EXT2: variants seen among roughly 807,000 people sequenced by gnomAD.
EXT2 encodes exostosin-2.
In EXT2, 53 loss-of-function variants were observed where a neutral mutation model predicts 81.6. The observed-to-expected ratio is 0.65, with a 90% confidence interval of 0.52 to 0.82. The LOEUF (loss-of-function observed/expected upper bound fraction) is 0.82. Ranked by LOEUF, EXT2 falls within the 40% of genes least tolerant of loss-of-function variation. EXT2 has a pLI of 0.00. For synonymous variants in EXT2, 320 were observed against 340.0 expected (o/e 0.94, Z 0.65); for missense variants, 774 against 910.2 (o/e 0.85, Z 1.93).
At chr11:44,119,996 A>G (rs942521385) in intron 4 of EXT2, among the ~76,000 whole-genome samples, 2 of 151,176 alleles carry the variant, frequency 1.3e-5, no homozygotes. Context: ...GCTCTCTTAT[A>G]TTGGTTTAGG....
chr11:44,215,260 A>G (rs552313747), intron 10 of EXT2, among the ~76,000 whole-genome samples: 1 of 152,212 alleles, frequency 6.6e-6, no homozygotes, highest in Admixed American at 6.5e-5. Context: ...TTACTCTTCA[A>G]TTGCTGCCTT....
chr11:44,240,428 C>A (rs1457851619), intron 13 of EXT2, among the ~76,000 whole-genome samples: 1 of 152,174 alleles, frequency 6.6e-6, no homozygotes, highest in Admixed American at 6.5e-5. Flanking sequence ...TGGTGGTAGG[C>A]ACCTCTAGTC....
rs371744028 is a variant in EXT2 at position 44,107,673 on chromosome 11, T to A, written c.-30-10T>A. On this transcript the variant is annotated splice_polypyrimidine_tract_variant and intron_variant, in intron 1 of 13. Coordinates refer to ENST00000533608, the MANE Select transcript of EXT2 (RefSeq NM_207122.2). The stretch of plus-strand genomic sequence containing the variant: ...ACTTGGTTTTTCTTATTTCTCTCCC[T>A]GGTGACCAGGAGTGTGAGGAAGAGG... 5 of 1,600,380 alleles carry A rather than the reference T, an allele frequency of 3.1e-6. No homozygotes were observed. The highest frequency in any genetic ancestry group is 4.3e-6 in the Non-Finnish European group (5 of 1,170,322).
intron 6 of EXT2, among the ~76,000 whole-genome samples, chr11:44,127,395 G>T (rs1214304045): frequency 6.6e-6 from 1 of 152,164 alleles, no homozygotes; most frequent in African/African-American, 2.4e-5. Context: ...TCTGAGCCTC[G>T]CCTCCTGTCA....
chr11:44,173,651 T>C (rs1475396908), intron 8 of EXT2, among the ~76,000 whole-genome samples: 1 of 149,590 alleles, frequency 6.7e-6, no homozygotes, highest in Non-Finnish European at 1.5e-5. Context: ...TCACTGCAAG[T>C]TCCGCCTTCT....
intron 8 of EXT2, among the ~76,000 whole-genome samples, chr11:44,188,851 G>T (rs574961730): frequency 2.2e-4 from 33 of 152,292 alleles, no homozygotes; most frequent in South Asian, 1.7e-3. Context: ...AGAAGAAGAG[G>T]TGGGGAATGG....
At chr11:44,103,607 T>C in intron 1 of EXT2, 2 of 415,290 alleles carry the variant, frequency 4.8e-6, no homozygotes, top group South Asian at 1.8e-5. Context: ...GGAATTATTA[T>C]TTCTTGAATA....
intron 4 of EXT2, among the ~76,000 whole-genome samples, chr11:44,119,169 T>TATATATATATATATATATATACAC (rs1192115471): frequency 1.1e-4 from 7 of 63,130 alleles, no homozygotes; most frequent in Middle Eastern, 8.1e-3. Context: ...TATATATATA[T>TATATATATATATATATATATACAC]ACACATACAC....
At chr11:44,194,063 A>G (rs1167214037) in intron 8 of EXT2, among the ~76,000 whole-genome samples, 1 of 152,146 alleles carries the variant, frequency 6.6e-6, no homozygotes. Context: ...CCTCAGTTTA[A>G]ATGCCAAGGC....
At chr11:44,101,708 TAGG>T (rs1953984971) in intron 1 of EXT2, among the ~76,000 whole-genome samples, 1 of 152,092 alleles carries the variant, frequency 6.6e-6, no homozygotes. Flanking sequence ...AGATTGACCT[TAGG>T]AGATGTTACT....
chr11:44,157,811 C>CTGGGA, intron 7 of EXT2, among the ~76,000 whole-genome samples: 1 of 152,226 alleles, frequency 6.6e-6, no homozygotes. Flanking sequence ...GTGGCCACCA[C>CTGGGA]AGCTGTGAAT....
chr11:44,233,965 T>C lies in EXT2; in HGVS notation c.1807-150T>C, dbSNP rs2135262512. On this transcript the variant is annotated intron_variant, in intron 11 of 13. Coordinates refer to ENST00000533608, the MANE Select transcript of EXT2 (RefSeq NM_207122.2). ...GGTCACTTGACCAAAAGCATTCTAA[T>C]GCCTCCTTTTACCCTTCCTATTAAT... The C allele has an allele frequency of 6.6e-6, 7 of 1,056,302 alleles. No individual in the cohort carries two copies. In the East Asian group the frequency reaches 1.8e-4, roughly 27 times the overall value. The allele number at this position is 1,056,302 out of a possible 1,614,324, so 65.4% of individuals were successfully genotyped here. A position where few individuals can be genotyped will look rare whatever the true frequency, so the allele number is the denominator to read the frequency against.
At chr11:44,212,154 A>G (rs6485501) in intron 10 of EXT2, among the ~76,000 whole-genome samples, 150,754 of 151,990 alleles carry the variant, frequency 0.99, 74,775 homozygotes, top group East Asian at 1. Flanking sequence ...GTATGGTGAT[A>G]TGAGCCTGTA....
At chr11:44,218,852 C>G (rs940744585) in intron 10 of EXT2, among the ~76,000 whole-genome samples, 4 of 118,618 alleles carry the variant, frequency 3.4e-5, no homozygotes, top group Admixed American at 2.5e-4. Context: ...GGCTGGAATG[C>G]AGTGGCACAG....
chr11:44,136,479 C>T (rs1387363054), intron 7 of EXT2, among the ~76,000 whole-genome samples: 1 of 152,172 alleles, frequency 6.6e-6, no homozygotes, highest in Non-Finnish European at 1.5e-5. Context: ...TCAGGATGAG[C>T]TTCCTAACAA....
At chr11:44,161,899 G>A (rs1253008700) in intron 7 of EXT2, among the ~76,000 whole-genome samples, 2 of 152,120 alleles carry the variant, frequency 1.3e-5, no homozygotes, top group East Asian at 1.9e-4. Context: ...CAAATTGAGG[G>A]ACATTCTATA....
chr11:44,235,857 A>G (rs1467961153), intron 12 of EXT2, among the ~76,000 whole-genome samples: 3 of 152,208 alleles, frequency 2.0e-5, no homozygotes, highest in Non-Finnish European at 4.4e-5. Context: ...CCTCAAGAGC[A>G]TGGTGCTGCT....
At chr11:44,107,510 G>A (rs1954071237) in intron 1 of EXT2, among the ~76,000 whole-genome samples, 173 bp from the exon 2 acceptor site, 1 of 152,112 alleles carries the variant, frequency 6.6e-6, no homozygotes, top group Non-Finnish European at 1.5e-5. Context: ...TTGAGCCTGG[G>A]GAGGTGAAGG....
At chr11:44,105,673 T>C (rs1954043734) in intron 1 of EXT2, among the ~76,000 whole-genome samples, 1 of 152,202 alleles carries the variant, frequency 6.6e-6, no homozygotes, top group Non-Finnish European at 1.5e-5. Context: ...TGGCAGATGA[T>C]GCAGCCACAC....
Sources: allele counts gnomAD v4.1 joint callset (sites outside exome capture counted in the v4.1 genomes callset), GRCh38; gene constraint gnomAD v4.1.1; transcripts MANE v1.5; gene names NCBI Gene and HGNC (gene_info 2026-07-23, HGNC 2026-07-21).